Variants in NAALADL2 observed in about 807,000 individuals in gnomAD.
The protein encoded by NAALADL2 is N-acetylated alpha-linked acidic dipeptidase like 2, also known as inactive N-acetylated-alpha-linked acidic dipeptidase-like protein 2.
Under a neutral mutation model 87.2 loss-of-function variants are expected in NAALADL2, and 76 were observed. The observed-to-expected ratio is 0.87, with a 90% CI of 0.72 to 1.05. The LOEUF (loss-of-function observed/expected upper bound fraction) is 1.05. Among genes scored for constraint, NAALADL2 ranks in the 50% least tolerant of loss-of-function variants. NAALADL2 has a pLI of 0.00. For missense variants in NAALADL2, 1,089 were observed against 945.8 expected, an observed-to-expected ratio of 1.15 and a Z score of -1.99; for synonymous variants, 354 against 331.0, an observed-to-expected ratio of 1.07 and a Z score of -0.75.
At chr3:175,306,039 T>C (rs1283110274) in intron 4 of NAALADL2, among the ~76,000 whole-genome samples, 1 of 152,102 alleles carries the variant, frequency 6.6e-6, no homozygotes, top group African/African-American at 2.4e-5. Context: ...ATCTTTGATT[T>C]CAATACAATA....
chr3:174,949,448 C>G (rs1739995294), intron 1 of NAALADL2, among the ~76,000 whole-genome samples: 1 of 152,076 alleles, frequency 6.6e-6, no homozygotes, highest in Admixed American at 6.5e-5. Context: ...CAAAGTCACA[C>G]AGTGTAATGG....
At chr3:174,814,288 T>A (rs1720545090) in intron 3 of NAALADL2, among the ~76,000 whole-genome samples, 1 of 152,064 alleles carries the variant, frequency 6.6e-6, no homozygotes, top group East Asian at 1.9e-4. Context: ...TTTGTATTTT[T>A]AGTAGAGACA....
chr3:175,578,768 T>C (rs1719292451), intron 10 of NAALADL2, among the ~76,000 whole-genome samples: 1 of 152,204 alleles, frequency 6.6e-6, no homozygotes, highest in Non-Finnish European at 1.5e-5. Context: ...TCAATATATT[T>C]TGTTTGACCT....
chr3:175,627,485 A>G, intron 11 of NAALADL2, 99 bp downstream of exon 11: 1 of 731,460 alleles, frequency 1.4e-6, no homozygotes, highest in South Asian at 1.9e-5. Flanking sequence ...CAATCCGTAT[A>G]TTTTCATTTG....
At chr3:175,534,719 G>A (rs553499074) in intron 9 of NAALADL2, among the ~76,000 whole-genome samples, 33 of 151,562 alleles carry the variant, frequency 2.2e-4, no homozygotes, top group Admixed American at 1.9e-3. Context: ...GATAAAGGAG[G>A]CCTATTGACT....
chr3:174,652,933 A>C (rs1215059165), intron 2 of NAALADL2, among the ~76,000 whole-genome samples: 1 of 152,182 alleles, frequency 6.6e-6, no homozygotes, highest in East Asian at 1.9e-4. Context: ...GGAATATCCA[A>C]AGAGCCAGTA....
At chr3:175,305,445 T>A (rs539190879) in intron 4 of NAALADL2, among the ~76,000 whole-genome samples, 1 of 152,224 alleles carries the variant, frequency 6.6e-6, no homozygotes, top group Non-Finnish European at 1.5e-5. Flanking sequence ...CTATCATGAA[T>A]GTCAAATACA....
At position 174,736,069 on chromosome 3, in the gene NAALADL2, C is replaced by T. The variant is rs550923918; in HGVS notation, c.-114-1572C>T. On this transcript the variant is annotated intron_variant, in intron 2 of 3. Transcript: ENST00000434257. ...CAGCTGGTCCAGGTGTACTGCAAGC[C>T]GCTTCCATGGCTGGCACCAGGGAAC... 2.0e-3 allele frequency among the ~76,000 whole-genome samples: 307 copies of T among 152,210 alleles called. 2 individuals are homozygous for T. The highest frequency in any genetic ancestry group is 7.1e-3 in the African/African-American group (293 of 41,534).
intron 2 of NAALADL2, among the ~76,000 whole-genome samples, chr3:174,608,866 A>G (rs1168622081): frequency 6.6e-6 from 1 of 152,014 alleles, no homozygotes; most frequent in Non-Finnish European, 1.5e-5. Context: ...ACCAAAAACC[A>G]GAATTCTAGA....
intron 3 of NAALADL2, among the ~76,000 whole-genome samples, chr3:174,843,762 C>A (rs1724280733): frequency 6.6e-6 from 1 of 152,014 alleles, no homozygotes; most frequent in African/African-American, 2.4e-5. Flanking sequence ...TTTTGATTAG[C>A]ATTTCCCTGA....
intron 1 of NAALADL2, among the ~76,000 whole-genome samples, chr3:174,461,830 T>G (rs981600740): frequency 6.6e-6 from 1 of 151,998 alleles, no homozygotes; most frequent in South Asian, 2.1e-4. Context: ...CCTCCCACAC[T>G]GTGTGTGTGT....
chr3:175,327,839 A>T (rs1201329791), intron 5 of NAALADL2, among the ~76,000 whole-genome samples: 1 of 152,190 alleles, frequency 6.6e-6, no homozygotes, highest in Non-Finnish European at 1.5e-5. Flanking sequence ...ATCCAATTTT[A>T]AGAGTTAAAA....
At chr3:175,600,149 AT>A in intron 10 of NAALADL2, among the ~76,000 whole-genome samples, 1 of 152,104 alleles carries the variant, frequency 6.6e-6, no homozygotes, top group Non-Finnish European at 1.5e-5. Flanking sequence ...TGAATTTCAT[AT>A]GCAAATACAC....
At chr3:174,462,403 C>T (rs1025628712) in intron 1 of NAALADL2, among the ~76,000 whole-genome samples, 1 of 152,008 alleles carries the variant, frequency 6.6e-6, no homozygotes, top group Non-Finnish European at 1.5e-5. Context: ...AGTTTCTCCT[C>T]TCTATGATTA....
intron 3 of NAALADL2, among the ~76,000 whole-genome samples, chr3:174,839,346 A>G (rs1723742713): frequency 6.6e-6 from 1 of 152,202 alleles, no homozygotes; most frequent in South Asian, 2.1e-4. Flanking sequence ...AATCAACTCA[A>G]GATGGATCAA....
chr3:175,540,977 G>A (rs1327413669), intron 9 of NAALADL2, among the ~76,000 whole-genome samples: 1 of 152,126 alleles, frequency 6.6e-6, no homozygotes, highest in Non-Finnish European at 1.5e-5. Context: ...GAGATAAGAT[G>A]ATTTAGTATA....
rs143028152 is a variant in NAALADL2, at chr3:174,935,375, G to T, written c.43+75925G>T. 2.7e-4 allele frequency among the ~76,000 whole-genome samples: 41 copies of T among 152,234 alleles called. 1 individual carries two copies. The highest frequency in any genetic ancestry group is 1.0e-3 in the Admixed American group (16 of 15,278). The stretch of plus-strand genomic sequence containing the variant: ...TTCATAATAAAAAATCCTGGTTCAT[G>T]TATCTTTGATGAAAGCTGTGACCAA... On this transcript the variant is annotated intron_variant, in intron 1 of 13. Coordinates refer to ENST00000454872, the MANE Select transcript of NAALADL2 (RefSeq NM_207015.3).
chr3:175,648,573 T>A lies in NAALADL2; in HGVS notation c.1896+21187T>A, dbSNP rs184044626. 6.6e-5 allele frequency among the ~76,000 whole-genome samples: 10 copies of A among 151,764 alleles called. No individual in the cohort carries two copies. In the East Asian group the frequency reaches 1.9e-3, roughly 29 times the overall value. On this transcript the variant is annotated intron_variant, in intron 11 of 13. Transcript: ENST00000454872. ...TACTTTAATTTTGAATATGTGCCAA[T>A]GTCACATACATTTTAGACTTTTATA...
At chr3:174,483,003 T>C (rs1717652684) in intron 1 of NAALADL2, among the ~76,000 whole-genome samples, 1 of 152,030 alleles carries the variant, frequency 6.6e-6, no homozygotes, top group Non-Finnish European at 1.5e-5. Flanking sequence ...ATTTGTGCTT[T>C]ATTATTAGCA....
Sources: allele counts gnomAD v4.1 joint callset (sites outside exome capture counted in the v4.1 genomes callset), GRCh38; gene constraint gnomAD v4.1.1; transcripts MANE v1.5; gene names NCBI Gene and HGNC (gene_info 2026-07-23, HGNC 2026-07-21).